EPHA2: variants seen among roughly 807,000 people sequenced by gnomAD.
EPHA2 encodes the protein EPH receptor A2.
EPHA2 carries 54 observed loss-of-function variants against 104.9 expected under a neutral mutation model. The ratio of observed to expected loss-of-function variants is 0.51; its 90% confidence interval spans 0.41 to 0.65. The LOEUF (loss-of-function observed/expected upper bound fraction) is 0.65. Ranked by LOEUF, EPHA2 falls within the 30% of genes least tolerant of loss-of-function variation. The pLI is 0.00. For synonymous variants in EPHA2, 560 were observed against 559.1 expected, an observed-to-expected ratio of 1.00 and a Z score of -0.02; for missense variants, 1,117 against 1,369.5, an observed-to-expected ratio of 0.82 and a Z score of 2.91.
Position 16,133,608 on chromosome 1 carries a change from T to C in EPHA2, c.1739-2A>G, listed in dbSNP as rs754874671. On this transcript the variant is annotated splice_acceptor_variant, in intron 9 of 16. Transcript: ENST00000358432. LOFTEE classifies it high-confidence loss of function. ...ATGTCTTCAGGGGCTTCAGTTGTTC[T>C]GGAAGGAGAAGGGGTGGGGTCACAG... is the stretch of plus-strand genomic sequence containing the variant. 6.2e-6 allele frequency: 10 copies of C among 1,613,874 alleles called. No individual in the cohort carries two copies. The highest frequency in any genetic ancestry group is 8.5e-6 in the Non-Finnish European group (10 of 1,179,954).
At position 16,132,143 on chromosome 1, in the gene EPHA2, C is replaced by T. The variant is rs1287005112; in HGVS notation, c.2246G>A (p.Ser749Asn). ...DLAARNILVN[S>N]NLVCKVSDFG... Reference sequence around the variant, plus strand: ...GTCAGACACCTTGCAGACCAGGTTGCTGTTGACGAGGATGTTGCGGGCAGC... The same window carrying T: ...GTCAGACACCTTGCAGACCAGGTTGTTGTTGACGAGGATGTTGCGGGCAGC... The change falls in exon 13 of 17, where the codon AGC becomes AAC. Residue 749 changes from serine (S) to asparagine (N), a missense_variant. Coordinates refer to ENST00000358432, the MANE Select transcript of EPHA2 (RefSeq NM_004431.5). The T allele has an allele frequency of 1.2e-6, 2 of 1,614,224 alleles. No individual in the cohort carries two copies. The highest frequency in any genetic ancestry group is 2.2e-5 in the South Asian group (2 of 91,086).
chr1:16,136,830 C>T (rs1239878725), intron 5 of EPHA2, among the ~76,000 whole-genome samples: 1 of 148,108 alleles, frequency 6.8e-6, no homozygotes, highest in South Asian at 2.1e-4. Flanking sequence ...CGGAGTTTCG[C>T]TCTTGTTGCC....
intron 1 of EPHA2, chr1:16,153,040 C>T (rs1211031840): frequency 6.0e-6 from 5 of 839,496 alleles, no homozygotes; most frequent in Non-Finnish European, 7.2e-6. Context: ...GGGAGCCCCT[C>T]GGCTGACCCA....
At chr1:16,153,908 C>A (rs1366196342) in intron 1 of EPHA2, among the ~76,000 whole-genome samples, 2 of 152,032 alleles carry the variant, frequency 1.3e-5, no homozygotes, top group African/African-American at 4.8e-5. Flanking sequence ...ATCATGCCCA[C>A]CCCCACCTAG....
intron 3 of EPHA2, 129 bp from the exon 4 acceptor site, chr1:16,138,559 T>C: frequency 7.3e-7 from 1 of 1,367,490 alleles, no homozygotes; most frequent in African/African-American, 1.4e-5. Context: ...ATGGACCTGT[T>C]TTCTCATCGG....
chr1:16,148,950 T>C lies in EPHA2; in HGVS notation c.251A>G (p.Asn84Ser). 2 of 1,614,118 alleles carry C rather than the reference T, an allele frequency of 1.2e-6. No individual in the cohort carries two copies. Among genetic ancestry groups the C allele is most frequent in the Non-Finnish European group, 1.7e-6 (2 of 1,180,044 alleles). ...CTCAGCCTCTCCTCGGTACACCCAG[T>C]TGGTGCGGAGCCAGTTGTCCTGGTC... ...SGDQDNWLRT[N>S]WVYRGEAERI... Residue 84 changes from asparagine (N) to serine (S), a missense_variant, in exon 3 of 17, where the codon AAC becomes AGC. Physicochemically the swap from Asn to Ser is conservative, Grantham distance 46. Transcript: ENST00000358432. The surrounding 1 kb of genome is among the most constrained non-coding windows in gnomAD (Gnocchi z 4.9).
rs2024674962 is a variant in EPHA2, at chr1:16,135,834, G to T, written c.1313-64C>A. The T allele has an allele frequency of 1.3e-6, 1 of 786,596 alleles. No individual in the cohort carries two copies. Among genetic ancestry groups the T allele is most frequent in the Admixed American group, 1.7e-5 (1 of 57,460 alleles). The allele number at this position is 786,596 out of a possible 1,614,324, so 48.7% of individuals were successfully genotyped here. ...TGCCTACGAGCAGGCAGGGTTTGGGGGGACAAGTGGACGTGGAGCCACATC... is the reference window on the plus strand; with the variant it reads ...TGCCTACGAGCAGGCAGGGTTTGGGTGGACAAGTGGACGTGGAGCCACATC... On this transcript the variant is annotated intron_variant, in intron 5 of 16. Transcript: ENST00000358432. The surrounding 1 kb of genome is among the most constrained non-coding windows in gnomAD (Gnocchi z 4.3).
At position 16,125,164 on chromosome 1, in the gene EPHA2, T is replaced by G; in HGVS notation, c.*51A>C. The G allele has an allele frequency of 6.5e-7, 1 of 1,547,792 alleles. No individual in the cohort carries two copies. Among genetic ancestry groups the G allele is most frequent in the Non-Finnish European group, 8.9e-7 (1 of 1,125,788 alleles). On this transcript the variant is annotated 3_prime_UTR_variant, in exon 17 of 17. Transcript: ENST00000358432. The surrounding 1 kb of genome is among the most constrained non-coding windows in gnomAD (Gnocchi z 4.9). ...CAGCATGGCACAGCAGGGAGGCCACTCTGTTTCTTCAAGTATTCTTGGCCG... is the reference window on the plus strand; with the variant it reads ...CAGCATGGCACAGCAGGGAGGCCACGCTGTTTCTTCAAGTATTCTTGGCCG...
intron 3 of EPHA2, among the ~76,000 whole-genome samples, chr1:16,145,393 T>G (rs1369844548): frequency 1.3e-5 from 2 of 152,206 alleles, no homozygotes; most frequent in Non-Finnish European, 2.9e-5. Flanking sequence ...CCTCCCTTCC[T>G]CTGCCCACTT....
In EPHA2 at chr1:16,132,279, G is replaced by A. The variant is rs765586631; in HGVS notation, c.2116-6C>T. On this transcript the variant is annotated splice_region_variant and splice_polypyrimidine_tract_variant and intron_variant, in intron 12 of 16. Transcript: ENST00000358432. The stretch of plus-strand genomic sequence containing the variant: ...CTGAACTCGCCATCCTTCTCCTGCC[G>A]GAGCACAGGCGCTCAGCTGCAGGCC... 2.2e-5 allele frequency: 35 copies of A among 1,613,890 alleles called. 1 individual carries two copies. Among genetic ancestry groups the A allele is most frequent in the Middle Eastern group, 1.6e-4 (1 of 6,080 alleles).
intron 3 of EPHA2, among the ~76,000 whole-genome samples, chr1:16,146,682 G>A (rs1406784380): frequency 6.6e-6 from 1 of 152,228 alleles, no homozygotes; most frequent in African/African-American, 2.4e-5. Flanking sequence ...CTACACCACA[G>A]GCTTATGGCC....
intron 1 of EPHA2, chr1:16,153,412 C>G: frequency 1.2e-6 from 1 of 807,734 alleles, no homozygotes; most frequent in Non-Finnish European, 1.5e-6. Flanking sequence ...AGACTTGGCC[C>G]CGGTAGAACC....
chr1:16,154,614 G>T (rs1272534745), intron 1 of EPHA2, among the ~76,000 whole-genome samples: 6 of 151,866 alleles, frequency 4.0e-5, no homozygotes, highest in Non-Finnish European at 8.8e-5. Context: ...AATTAGACGC[G>T]CCTGGTGGCG....
At position 16,130,587 on chromosome 1, in the gene EPHA2, G is replaced by A. The variant is rs909730601; in HGVS notation, c.2476-168C>T. Among the ~76,000 whole-genome samples the A allele has an allele frequency of 6.6e-6, 1 of 152,098 alleles. No individual in the cohort carries two copies. The highest frequency in any genetic ancestry group is 1.5e-5 in the Non-Finnish European group (1 of 68,022). ...CACCCAACCTTCAGAGCTGCCCAAA[G>A]GGCAAATGCCTAAGGGTCTGTGTCC... On this transcript the variant is annotated intron_variant, in intron 14 of 16. Coordinates refer to ENST00000358432, the MANE Select transcript of EPHA2 (RefSeq NM_004431.5). This position sits in a 1 kb window ranked among gnomAD's most constrained non-coding sequence, Gnocchi z 4.5.
rs149811213 is a variant in EPHA2, at chr1:16,138,423, C to A, written c.831G>T (p.Ser277=). The change falls in exon 4 of 17, where the codon TCG becomes TCT. Residue 277 remains serine (S), a synonymous_variant. Transcript: ENST00000358432. ...ATGCCTCAAACTTAAAAAATCCAGG[C>A]GAGCAGGCTGGTGGACACAGGACAG... The part of the protein sequence containing the change: ...EKVEDACQAC[S]PGFFKFEASE... 1.2e-6 allele frequency: 2 copies of A among 1,613,526 alleles called. No homozygotes were observed. The highest frequency in any genetic ancestry group is 1.7e-6 in the Non-Finnish European group (2 of 1,180,034).
intron 2 of EPHA2, among the ~76,000 whole-genome samples, chr1:16,149,550 C>G (rs543955234): frequency 1.3e-5 from 2 of 152,226 alleles, no homozygotes; most frequent in Non-Finnish European, 2.9e-5. Flanking sequence ...AAGTCAAAAA[C>G]AACGGATGAT....
chr1:16,155,670 A>G (rs574388470), intron 1 of EPHA2, 178 bp downstream of exon 1: 100 of 469,464 alleles, frequency 2.1e-4, no homozygotes, highest in Admixed American at 4.0e-4. Flanking sequence ...CGGAGCCCCT[A>G]TGACCCCGGG....
At chr1:16,139,122 T>G (rs2024775902) in intron 3 of EPHA2, among the ~76,000 whole-genome samples, 1 of 152,212 alleles carries the variant, frequency 6.6e-6, no homozygotes, top group African/African-American at 2.4e-5. Context: ...CCTCCCCCAG[T>G]GGCCAGTCCT....
chr1:16,154,674 T>A (rs2025114947), intron 1 of EPHA2, among the ~76,000 whole-genome samples: 1 of 142,212 alleles, frequency 7.0e-6, no homozygotes, highest in African/African-American at 2.6e-5. Flanking sequence ...GAGAATAGCT[T>A]GAACCCGGGA....
Sources: allele counts gnomAD v4.1 joint callset (sites outside exome capture counted in the v4.1 genomes callset), GRCh38; gene constraint gnomAD v4.1.1; non-coding constraint Gnocchi (gnomAD v3.1); transcripts MANE v1.5; gene names NCBI Gene and HGNC (gene_info 2026-07-23, HGNC 2026-07-21).